SNTG2: variants seen among roughly 807,000 people sequenced by gnomAD.
SNTG2 encodes the protein gamma-2-syntrophin.
SNTG2 carries 74 observed loss-of-function variants against 70.9 expected under a neutral mutation model. The ratio of observed to expected loss-of-function variants is 1.04; its 90% CI spans 0.86 to 1.27. SNTG2 has a LOEUF of 1.27. Ranked by LOEUF, SNTG2 falls within the 50% of genes most tolerant of loss-of-function variation. SNTG2 has a pLI of 0.00. For synonymous variants in SNTG2, 278 were observed against 273.8 expected (o/e 1.02, Z -0.15); for missense variants, 717 against 690.7 (o/e 1.04, Z -0.43).
intron 12 of SNTG2, among the ~76,000 whole-genome samples, chr2:1,252,942 A>G (rs1677849684): frequency 6.6e-6 from 1 of 152,214 alleles, no homozygotes; most frequent in South Asian, 2.1e-4. Context: ...CTGACATTTT[A>G]TATCCTGGCA....
intron 14 of SNTG2, among the ~76,000 whole-genome samples, chr2:1,302,585 A>G (rs964753436): frequency 6.6e-6 from 1 of 151,620 alleles, no homozygotes; most frequent in Non-Finnish European, 1.5e-5. Flanking sequence ...GTTAGGCAGG[A>G]AAAAAAAGAG....
intron 8 of SNTG2, among the ~76,000 whole-genome samples, chr2:1,192,969 C>G (rs931298809): frequency 1.4e-4 from 21 of 152,204 alleles, no homozygotes; most frequent in African/African-American, 5.1e-4. Flanking sequence ...TGCAGGTCAG[C>G]CTCTGTGTTC....
intron 16 of SNTG2, among the ~76,000 whole-genome samples, chr2:1,339,407 G>A (rs1367221131): frequency 6.6e-6 from 1 of 152,126 alleles, no homozygotes; most frequent in Admixed American, 6.5e-5. Context: ...TTGTTTGACA[G>A]CAGTGTTTTA....
In SNTG2 at chr2:991,588, T is replaced by G. The variant is rs373897693; in HGVS notation, c.72+40520T>G. On this transcript the variant is annotated intron_variant, in intron 1 of 16. Transcript: ENST00000308624. ...TGAATGGGGATGTGAGGCATGTTTT[T>G]TGCTCCAGGTAGCACCCAGGGCATC... Among the ~76,000 whole-genome samples, 3 of 152,180 alleles carry G rather than the reference T, an allele frequency of 2.0e-5. No homozygotes were observed. The South Asian group carries it at 6.2e-4, about 32-fold the overall frequency.
intron 16 of SNTG2, among the ~76,000 whole-genome samples, chr2:1,334,560 G>T (rs1409785302): frequency 2.0e-5 from 3 of 152,158 alleles, no homozygotes; most frequent in Non-Finnish European, 4.4e-5. Context: ...ATCCACCAAT[G>T]AGTAGATAAA....
At chr2:1,191,201 TATCTC>T in intron 8 of SNTG2, among the ~76,000 whole-genome samples, 1 of 152,334 alleles carries the variant, frequency 6.6e-6, no homozygotes, top group East Asian at 1.9e-4. Flanking sequence ...TCCCTTATCA[TATCTC>T]TTTTCATATC....
chr2:1,104,545 G>A (rs1449134439), intron 4 of SNTG2, among the ~76,000 whole-genome samples: 1 of 152,170 alleles, frequency 6.6e-6, no homozygotes, highest in Non-Finnish European at 1.5e-5. Flanking sequence ...GTTTACCTAA[G>A]TTTTAGGTTT....
intron 6 of SNTG2, among the ~76,000 whole-genome samples, chr2:1,149,773 C>T (rs71339712): frequency 0.94 from 126,394 of 134,586 alleles, 59,471 homozygotes; most frequent in Non-Finnish European, 0.97. Flanking sequence ...CTGCAAGCTC[C>T]GCCTCCCGGG....
intron 1 of SNTG2, among the ~76,000 whole-genome samples, chr2:999,149 G>A (rs563769352): frequency 4.6e-5 from 7 of 152,120 alleles, no homozygotes; most frequent in East Asian, 1.9e-4. Context: ...AGTTCTAAAC[G>A]TGGAAACAAA....
chr2:1,297,816 C>T (rs1327792975), intron 14 of SNTG2, among the ~76,000 whole-genome samples: 1 of 152,218 alleles, frequency 6.6e-6, no homozygotes, highest in Non-Finnish European at 1.5e-5. Context: ...GTGATTTAGT[C>T]TCCTAGGAGA....
chr2:1,158,010 G>T (rs571027533), intron 6 of SNTG2, among the ~76,000 whole-genome samples: 3 of 152,170 alleles, frequency 2.0e-5, no homozygotes, highest in African/African-American at 7.2e-5. Context: ...GGTTTGGTAC[G>T]GGGCATCCTG....
At chr2:1,048,006 T>C (rs1661834095) in intron 1 of SNTG2, among the ~76,000 whole-genome samples, 1 of 130,850 alleles carries the variant, frequency 7.6e-6, no homozygotes, top group African/African-American at 2.6e-5. Context: ...GAAATTCTTA[T>C]GATTATTTAT....
chr2:1,082,269 T>A (rs1378045687), intron 1 of SNTG2, among the ~76,000 whole-genome samples: 1 of 152,212 alleles, frequency 6.6e-6, no homozygotes, highest in African/African-American at 2.4e-5. Context: ...GCTGGTTTTT[T>A]AAATCCTTTT....
At chr2:1,127,199 C>A (rs1326069945) in intron 4 of SNTG2, among the ~76,000 whole-genome samples, 1 of 151,848 alleles carries the variant, frequency 6.6e-6, no homozygotes. Flanking sequence ...GTTCTCCCAG[C>A]ACCATTTATT....
In SNTG2 at chr2:960,508, C is replaced by A. The variant is rs1483269003; in HGVS notation, c.72+9440C>A. ...TTCAGCTGGATGCAGACAGAGGACT[C>A]TGCCCTCGTGGAGGAGCTGGGAGCA... On this transcript the variant is annotated intron_variant, in intron 1 of 16. Coordinates refer to ENST00000308624, the MANE Select transcript of SNTG2 (RefSeq NM_018968.4). 9.2e-5 allele frequency among the ~76,000 whole-genome samples: 14 copies of A among 152,356 alleles called. No individual in the cohort carries two copies. In the East Asian group the frequency reaches 2.7e-3, roughly 29 times the overall value.
intron 8 of SNTG2, among the ~76,000 whole-genome samples, chr2:1,202,598 C>A (rs1025101281): frequency 6.6e-6 from 1 of 151,862 alleles, no homozygotes; most frequent in Non-Finnish European, 1.5e-5. Context: ...TATAAATGGA[C>A]TAAACATTTT....
At chr2:1,023,495 C>T (rs60305990) in intron 1 of SNTG2, among the ~76,000 whole-genome samples, 6,569 of 152,156 alleles carry the variant, frequency 0.043, 243 homozygotes, top group African/African-American at 0.097. Context: ...AAAGGCCTGA[C>T]TTATTTTGTT....
chr2:1,158,518 GAA>G (rs201162181), intron 6 of SNTG2: 19,683 of 152,064 alleles, frequency 0.13, 1,703 homozygotes, highest in African/African-American at 0.23. Context: ...AAAGAAAGAA[GAA>G]TATTCATGAC....
At chr2:1,212,306 TGTCTCGCTC>T (rs1674099294) in intron 9 of SNTG2, among the ~76,000 whole-genome samples, 1 of 152,170 alleles carries the variant, frequency 6.6e-6, no homozygotes, top group Non-Finnish European at 1.5e-5. Flanking sequence ...CCATGTAAGG[TGTCTCGCTC>T]ACCTTCTGCC....
Sources: allele counts gnomAD v4.1 joint callset (sites outside exome capture counted in the v4.1 genomes callset), GRCh38; gene constraint gnomAD v4.1.1; transcripts MANE v1.5; gene names NCBI Gene and HGNC (gene_info 2026-07-23, HGNC 2026-07-21).